Variants in TMPRSS13 observed in about 807,000 individuals in gnomAD.
The protein encoded by TMPRSS13 is transmembrane protease serine 13.
A neutral mutation model predicts 68.4 loss-of-function variants in TMPRSS13; 50 were observed. That is an observed-to-expected ratio of 0.73 (90% CI 0.58 to 0.93). The LOEUF (loss-of-function observed/expected upper bound fraction) is 0.93, where lower values mean the gene tolerates loss of function less well. Among genes scored for constraint, TMPRSS13 ranks in the 40% least tolerant of loss-of-function variants. The probability of loss-of-function intolerance (pLI) is 0.00; values close to 1 mark genes in which losing one functional copy is unlikely to be tolerated. For synonymous variants in TMPRSS13, 267 were observed against 285.8 expected (o/e 0.93, Z 0.66); for missense variants, 615 against 729.2 (o/e 0.84, Z 1.80).
chr11:117,908,024 A>G (rs1243901562), intron 9 of TMPRSS13: 2 of 994,882 alleles, frequency 2.0e-6, no homozygotes, highest in African/African-American at 3.5e-5. Context: ...TGTAGCAATT[A>G]GTTGTTTGAA....
chr11:117,918,102 C>A (rs1374895796), intron 2 of TMPRSS13, among the ~76,000 whole-genome samples: 1 of 152,174 alleles, frequency 6.6e-6, no homozygotes, highest in Non-Finnish European at 1.5e-5. Flanking sequence ...CTGTGACTAA[C>A]TGGGAGACCT....
intron 11 of TMPRSS13, 34 bp downstream of exon 11, chr11:117,903,925 C>T: frequency 6.2e-7 from 1 of 1,604,802 alleles, no homozygotes; most frequent in South Asian, 1.1e-5. Flanking sequence ...CCCCAGGGTG[C>T]TGGGACCTGA....
rs539338296 is a variant in TMPRSS13 at position 117,904,785 on chromosome 11, C to G, written c.1382-684G>C. Reference sequence around the variant, plus strand: ...AACAAGGTCACTGTGCAAACCACAACAGTACCAGACATCCCCCTCTCCTGG... The same window carrying G: ...AACAAGGTCACTGTGCAAACCACAAGAGTACCAGACATCCCCCTCTCCTGG... On this transcript the variant is annotated intron_variant, in intron 10 of 12. Transcript: ENST00000524993. 8.7e-5 allele frequency among the ~76,000 whole-genome samples: 13 copies of G among 149,512 alleles called. No homozygotes were observed. The East Asian group carries it at 2.3e-3, about 27-fold the overall frequency.
chr11:117,926,727 G>T (rs1460593552), intron 1 of TMPRSS13, among the ~76,000 whole-genome samples: 1 of 152,218 alleles, frequency 6.6e-6, no homozygotes, highest in Non-Finnish European at 1.5e-5. Context: ...CCAGAAAGGA[G>T]CCTCAGGGGG....
intron 8 of TMPRSS13, 45 bp downstream of exon 8, chr11:117,909,761 C>G (rs1464244134): frequency 6.3e-7 from 1 of 1,577,330 alleles, no homozygotes; most frequent in Non-Finnish European, 8.6e-7. Context: ...CCTGGTGGTT[C>G]CCGACCCTGG....
chr11:117,904,509 G>A (rs1016477716), intron 10 of TMPRSS13, among the ~76,000 whole-genome samples: 2 of 152,106 alleles, frequency 1.3e-5, no homozygotes, highest in Admixed American at 6.5e-5. Flanking sequence ...GCCTGGTGCT[G>A]GAGAAGTGAC....
At position 117,914,652 on chromosome 11, in the gene TMPRSS13, A is replaced by G; in HGVS notation, c.557-138T>C. The stretch of plus-strand genomic sequence containing the variant: ...TCTGGGGCTCTCATCCCCCATCTGT[A>G]TGGAGAGAAAGGCTGCTCAGGAATG... On this transcript the variant is annotated intron_variant, in intron 3 of 12. Coordinates refer to ENST00000524993, the MANE Select transcript of TMPRSS13 (RefSeq NM_001077263.3). This position sits in a 1 kb window ranked among gnomAD's most constrained non-coding sequence, Gnocchi z 4.2. 1 of 1,463,592 alleles carries G rather than the reference A, an allele frequency of 6.8e-7. No homozygotes were observed. The highest frequency in any genetic ancestry group is 9.2e-7 in the Non-Finnish European group (1 of 1,090,792). 90.7% of individuals were successfully genotyped at this position (1,463,592 alleles called of 1,614,324 possible).
chr11:117,914,330 A>G lies in TMPRSS13; in HGVS notation c.679+62T>C. 1 of 1,600,256 alleles carries G rather than the reference A, an allele frequency of 6.2e-7. No individual in the cohort carries two copies. The highest frequency in any genetic ancestry group is 1.1e-5 in the South Asian group (1 of 90,246). ...GCATGCATACACACACACATATACA[A>G]ACAGGCACACAAACACATGCACATG... On this transcript the variant is annotated intron_variant, in intron 4 of 12. Transcript: ENST00000524993. This position sits in a 1 kb window ranked among gnomAD's most constrained non-coding sequence, Gnocchi z 4.2.
At chr11:117,917,070 G>T in intron 3 of TMPRSS13, 100 bp downstream of exon 3, 2 of 952,262 alleles carry the variant, frequency 2.1e-6, no homozygotes, top group Non-Finnish European at 3.2e-6. Flanking sequence ...CGGGTGAGTG[G>T]GTGCTCCCCA....
At position 117,917,221 on chromosome 11, in the gene TMPRSS13, T is replaced by C. The variant is rs776304068; in HGVS notation, c.505A>G (p.Ile169Val). The C allele has an allele frequency of 1.2e-5, 20 of 1,612,946 alleles. No individual in the cohort carries two copies. The East Asian group carries it at 2.0e-4, about 16-fold the overall frequency. ...WREGQKQLPL[I>V]GCVLLLIALV... The stretch of plus-strand genomic sequence containing the variant: ...GCAATGAGGAGGAGCACGCACCCGA[T>C]GAGCGGTAGCTGCTTCTGGCCCTCC... Residue 169 changes from isoleucine (I) to valine (V), a missense_variant, in exon 3 of 13, where the codon ATC becomes GTC. Physicochemically the swap from Ile to Val is conservative, Grantham distance 29. Coordinates refer to ENST00000524993, the MANE Select transcript of TMPRSS13 (RefSeq NM_001077263.3).
chr11:117,903,356 A>G, intron 12 of TMPRSS13: 1 of 1,516,106 alleles, frequency 6.6e-7, no homozygotes, highest in Non-Finnish European at 8.8e-7. Flanking sequence ...TTCAAAGTCC[A>G]TTGCAACCTT....
rs778644730 is a variant in TMPRSS13 at position 117,909,936 on chromosome 11, C to T, written c.979G>A (p.Val327Met). 6.2e-6 allele frequency: 10 copies of T among 1,614,070 alleles called. No individual in the cohort carries two copies. Among genetic ancestry groups the T allele is most frequent in the Middle Eastern group, 1.6e-4 (1 of 6,082 alleles). The change falls in exon 8 of 13, where the codon GTG becomes ATG. Residue 327 changes from valine to methionine, a missense_variant. Physicochemically the swap from Val to Met is conservative, Grantham distance 21. Transcript: ENST00000524993. Reference protein sequence around the residue: ...CGLRAMTGRIVGGALASDSKW... With the variant: ...CGLRAMTGRIMGGALASDSKW... ...CTATCCGAGGCCAGCGCCCCTCCCA[C>T]GATCCGCCCGGTCATGGCCCTCAGT...
intron 9 of TMPRSS13, chr11:117,908,061 G>T (rs1200892480): frequency 8.9e-6 from 9 of 1,016,940 alleles, no homozygotes; most frequent in Non-Finnish European, 1.1e-5. Context: ...GTTCTCGACT[G>T]CAGGGTAAGC....
At chr11:117,912,687 T>G (rs913277942) in intron 5 of TMPRSS13, among the ~76,000 whole-genome samples, 1 of 152,202 alleles carries the variant, frequency 6.6e-6, no homozygotes, top group Admixed American at 6.5e-5. Flanking sequence ...CTCTCCACTG[T>G]ATGCCCTTAG....
chr11:117,903,188 T>G (rs1165970177), intron 12 of TMPRSS13: 43 of 1,384,060 alleles, frequency 3.1e-5, no homozygotes, highest in Non-Finnish European at 3.9e-5. Context: ...TAAAATGGAG[T>G]CACTTGTGTT....
Position 117,921,846 on chromosome 11 carries a change from G to A in TMPRSS13, c.22-3008C>T, listed in dbSNP as rs147296362. ...CCTGAAGAAGAACTGCCCATGAAGA[G>A]AACTACAAGTCCCAACAGGGACATC... On this transcript the variant is annotated intron_variant, in intron 1 of 12. Transcript: ENST00000524993. 2.0e-4 allele frequency among the ~76,000 whole-genome samples: 31 copies of A among 152,262 alleles called. No homozygotes were observed. In the East Asian group the frequency reaches 6.0e-3, roughly 29 times the overall value.
Position 117,918,569 on chromosome 11 carries a change from G to C in TMPRSS13, c.291C>G (p.Ser97=). 1.2e-6 allele frequency: 2 copies of C among 1,614,238 alleles called. No homozygotes were observed. Among genetic ancestry groups the C allele is most frequent in the Non-Finnish European group, 1.7e-6 (2 of 1,180,050 alleles). The change falls in exon 2 of 13, where the codon TCC becomes TCG. Residue 97 remains serine (S), a synonymous_variant. Coordinates refer to ENST00000524993, the MANE Select transcript of TMPRSS13 (RefSeq NM_001077263.3). ...ATGATGACCTGCCGGATGAGGACCT[G>C]GAAAGTGATGCCAGAGCCGGAGATG... The part of the protein sequence containing the change: ...ARASPALASL[S]RSSSGRSSSA...
chr11:117,902,523 C>A (rs952458953), intron 12 of TMPRSS13, among the ~76,000 whole-genome samples: 1 of 152,230 alleles, frequency 6.6e-6, no homozygotes, highest in Non-Finnish European at 1.5e-5. Context: ...TGGCAGAGCA[C>A]CCCCTGCTTT....
rs2057408963 is a variant in TMPRSS13, at chr11:117,901,294, C to A, written c.*945G>T. 1 of 152,582 alleles carries A rather than the reference C, an allele frequency of 6.6e-6. No homozygotes were observed. Among genetic ancestry groups the A allele is most frequent in the Non-Finnish European group, 1.5e-5 (1 of 68,060 alleles). 9.5% of individuals were successfully genotyped at this position (152,582 alleles called of 1,614,324 possible). A position where few individuals can be genotyped will look rare whatever the true frequency, so the allele number is the denominator to read the frequency against. On this transcript the variant is annotated 3_prime_UTR_variant, in exon 13 of 13. Transcript: ENST00000524993. ...CTGGGATGCAGAAACAGTTTGTGGA[C>A]CTCGTCGTGTCGGATTTGCTTGCCA... is the stretch of plus-strand genomic sequence containing the variant.
Sources: allele counts gnomAD v4.1 joint callset (sites outside exome capture counted in the v4.1 genomes callset), GRCh38; gene constraint gnomAD v4.1.1; non-coding constraint Gnocchi (gnomAD v3.1); transcripts MANE v1.5; gene names NCBI Gene and HGNC (gene_info 2026-07-23, HGNC 2026-07-21).